The following KLHL4 variants were observed in gnomAD, a reference collection of about 807,000 sequenced individuals.
KLHL4 encodes the protein kelch like family member 4.
KLHL4 carries 17 observed loss-of-function variants against 45.8 expected under a neutral mutation model. The observed-to-expected ratio is 0.37, with a 90% confidence interval of 0.25 to 0.56. The LOEUF is 0.56. Ranked by LOEUF, KLHL4 falls within the 20% of genes least tolerant of loss-of-function variation. The pLI is 0.79. For synonymous variants in KLHL4, 224 were observed against 189.9 expected, an observed-to-expected ratio of 1.18 and a Z score of -1.47; for missense variants, 544 against 544.9, an observed-to-expected ratio of 1.00 and a Z score of 0.02.
At chrX:87,577,712 A>G (rs1163703729) in intron 1 of KLHL4, among the ~76,000 whole-genome samples, 1 of 111,797 alleles carries the variant, frequency 8.9e-6, no homozygotes, top group East Asian at 2.8e-4. Flanking sequence ...AAATGGGAAA[A>G]GGATTAAAGC....
intron 1 of KLHL4, among the ~76,000 whole-genome samples, chrX:87,533,643 A>G (rs1246968702): frequency 9.2e-6 from 1 of 108,885 alleles, no homozygotes; most frequent in African/African-American, 3.3e-5. Flanking sequence ...AGCATGGCAC[A>G]TGTATACATA....
chrX:87,589,644 TG>T (rs201867842), intron 1 of KLHL4, among the ~76,000 whole-genome samples: 2,504 of 111,216 alleles, frequency 0.023, 31 homozygotes, highest in Middle Eastern at 0.041. Context: ...AGTAGAAAGA[TG>T]GTTATTAGAG....
chrX:87,536,780 G>A (rs1318463163), intron 1 of KLHL4, among the ~76,000 whole-genome samples: 1 of 111,243 alleles, frequency 9.0e-6, no homozygotes, highest in East Asian at 2.8e-4. Flanking sequence ...GGGATATTCT[G>A]TGCAAAATTA....
At chrX:87,521,803 G>A (rs185984806) in intron 1 of KLHL4, among the ~76,000 whole-genome samples, 16 of 112,022 alleles carry the variant, frequency 1.4e-4, no homozygotes, top group Admixed American at 1.9e-4. Context: ...TTCCTTAACC[G>A]GTGAACTAAA....
At chrX:87,622,112 C>A in intron 4 of KLHL4, 99 bp from the exon 5 acceptor site, 1 of 544,592 alleles carries the variant, frequency 1.8e-6, no homozygotes, top group Non-Finnish European at 3.0e-6. Context: ...GTGTCTCTTG[C>A]ATTTTCTGAA....
intron 3 of KLHL4, 28 bp downstream of exon 3, chrX:87,614,598 A>C (rs1382804409): frequency 1.7e-6 from 2 of 1,169,516 alleles, no homozygotes; most frequent in East Asian, 6.0e-5. Flanking sequence ...ATTAACTCAT[A>C]ATGACCCTAC....
At chrX:87,543,642 C>A (rs936263767) in intron 1 of KLHL4, among the ~76,000 whole-genome samples, 1 of 111,195 alleles carries the variant, frequency 9.0e-6, no homozygotes, top group Non-Finnish European at 1.9e-5. Context: ...AGCTGATGCC[C>A]ACCCACAGAG....
chrX:87,654,727 T>C (rs1207847040), intron 9 of KLHL4, among the ~76,000 whole-genome samples: 1 of 112,103 alleles, frequency 8.9e-6, no homozygotes, highest in African/African-American at 3.2e-5. Context: ...GCATACTGAT[T>C]GCCATAAAGA....
intron 9 of KLHL4, among the ~76,000 whole-genome samples, chrX:87,656,836 T>C (rs1463336576): frequency 8.9e-6 from 1 of 112,156 alleles, no homozygotes; most frequent in East Asian, 2.8e-4. Context: ...CTTCTTATTT[T>C]TAAACTTACT....
intron 1 of KLHL4, among the ~76,000 whole-genome samples, chrX:87,530,436 A>C (rs1468408006): frequency 1.6e-5 from 1 of 61,024 alleles, no homozygotes; most frequent in Non-Finnish European, 2.8e-5. Context: ...CCACCCCACA[A>C]CAGTCCCCAG....
intron 5 of KLHL4, 133 bp from the exon 6 acceptor site, chrX:87,625,477 C>A: frequency 2.2e-6 from 1 of 455,653 alleles, no homozygotes; most frequent in Non-Finnish European, 3.6e-6. Context: ...GCGTTCTACA[C>A]ACCTTGGCCT....
At chrX:87,593,899 G>C (rs1284059108) in intron 1 of KLHL4, among the ~76,000 whole-genome samples, 1 of 111,611 alleles carries the variant, frequency 9.0e-6, no homozygotes, top group Non-Finnish European at 1.9e-5. Context: ...AATTATTTTT[G>C]TTTCATAAAA....
intron 3 of KLHL4, among the ~76,000 whole-genome samples, chrX:87,616,349 C>T (rs1459222651): frequency 1.8e-5 from 2 of 111,578 alleles, no homozygotes; most frequent in Non-Finnish European, 3.8e-5. Flanking sequence ...TCAACTTTCA[C>T]CTTTCTCCTG....
At chrX:87,664,392 A>G (rs1378420000) in intron 9 of KLHL4, among the ~76,000 whole-genome samples, 1 of 112,141 alleles carries the variant, frequency 8.9e-6, no homozygotes, top group Non-Finnish European at 1.9e-5. Context: ...CATCTTATGT[A>G]TAACTTCGAC....
At chrX:87,637,985 G>A (rs1923323678) in intron 9 of KLHL4, among the ~76,000 whole-genome samples, 2 of 110,902 alleles carry the variant, frequency 1.8e-5, no homozygotes, top group Admixed American at 1.9e-4. Context: ...ACATAAAATA[G>A]AAAACATAAA....
chrX:87,666,539 A>G lies in KLHL4; in HGVS notation c.*5A>G, dbSNP rs999492015. The G allele has an allele frequency of 2.5e-6, 3 of 1,186,975 alleles. No individual in the cohort carries two copies. The highest frequency in any genetic ancestry group is 3.4e-6 in the Non-Finnish European group (3 of 882,704). Reference sequence around the variant, plus strand: ...GTAGTGGTGAAGCTACCCTAAAGCTATCTATCTTTATCAAATGGAATGAAA... The same window carrying G: ...GTAGTGGTGAAGCTACCCTAAAGCTGTCTATCTTTATCAAATGGAATGAAA... On this transcript the variant is annotated 3_prime_UTR_variant, in exon 11 of 11. Coordinates refer to ENST00000373119, the MANE Select transcript of KLHL4 (RefSeq NM_019117.5).
At chrX:87,605,547 C>A (rs1006245983) in intron 1 of KLHL4, among the ~76,000 whole-genome samples, 3 of 110,727 alleles carry the variant, frequency 2.7e-5, no homozygotes, top group Non-Finnish European at 5.7e-5. Flanking sequence ...TTGCTGTTAG[C>A]ATGTAGATAC....
chrX:87,646,412 A>G (rs755575644), intron 9 of KLHL4, among the ~76,000 whole-genome samples: 1 of 111,658 alleles, frequency 9.0e-6, no homozygotes, highest in East Asian at 2.8e-4. Context: ...TTCCTATGAA[A>G]CCAAAAAAGA....
rs766167451 is a variant in KLHL4 at position 87,635,748 on chromosome X, G to A, written c.1898G>A (p.Cys633Tyr). 9 of 1,195,800 alleles carry A rather than the reference G, an allele frequency of 7.5e-6. No individual in the cohort carries two copies. The highest frequency in any genetic ancestry group is 9.0e-6 in the Non-Finnish European group (8 of 884,777). Residue 633 changes from cysteine to tyrosine, a missense_variant, in exon 9 of 11, where the codon TGC (cysteine) becomes TAC (tyrosine). By Grantham distance (194) the Cys-to-Tyr change is radical (BLOSUM62 -2). Coordinates refer to ENST00000373119, the MANE Select transcript of KLHL4 (RefSeq NM_019117.5). ...CATGATGCCCCTGCTTCCAACCATT[G>A]CTCCAGGCTTTCTGACTGTGTGGAA... ...GGHDAPASNH[C>Y]SRLSDCVERY...
Sources: gnomAD v4.1 joint callset for allele counts (sites outside exome capture counted in the v4.1 genomes callset) on GRCh38, gnomAD v4.1.1 for gene constraint, MANE v1.5 for transcripts, NCBI Gene and HGNC (gene_info 2026-07-23, HGNC 2026-07-21) for gene names.